The following ENPP4 variants were observed in gnomAD, a reference collection of about 807,000 sequenced individuals.
The protein encoded by ENPP4 is ectonucleotide pyrophosphatase/phosphodiesterase 4.
A neutral mutation model predicts 33.4 loss-of-function variants in ENPP4; 18 were observed. The ratio of observed to expected loss-of-function variants is 0.54; its 90% CI spans 0.37 to 0.80. The LOEUF (loss-of-function observed/expected upper bound fraction) is 0.80. ENPP4 is among the 30% of genes least tolerant of loss of function. The probability of loss-of-function intolerance (pLI) is 0.00; values close to 1 mark genes in which losing one functional copy is unlikely to be tolerated. For missense variants in ENPP4, 480 were observed against 541.7 expected (o/e 0.89, Z 1.13); for synonymous variants, 172 against 189.9 (o/e 0.91, Z 0.78).
In ENPP4 at chr6:46,140,425, A is replaced by G; in HGVS notation, c.826+16A>G. On this transcript the variant is annotated intron_variant, in intron 2 of 3. Coordinates refer to ENST00000321037, the MANE Select transcript of ENPP4 (RefSeq NM_014936.5). The stretch of plus-strand genomic sequence containing the variant: ...CCCAAAATAAGTAAGTAAACATTCA[A>G]CTGAGGGATACTATTATTCGAATGG... The G allele has an allele frequency of 1.4e-6, 2 of 1,405,074 alleles. No homozygotes were observed. The highest frequency in any genetic ancestry group is 9.7e-7 in the Non-Finnish European group (1 of 1,028,840). 87.0% of individuals were successfully genotyped at this position (1,405,074 alleles called of 1,614,324 possible). A position where few individuals can be genotyped will look rare whatever the true frequency, so the allele number is the denominator to read the frequency against.
intron 3 of ENPP4, among the ~76,000 whole-genome samples, chr6:46,142,625 T>A (rs1207469534): frequency 6.6e-6 from 1 of 151,102 alleles, no homozygotes. Context: ...CATCACCCAG[T>A]CACCCGTACT....
intron 3 of ENPP4, among the ~76,000 whole-genome samples, chr6:46,141,782 CTTA>C (rs962627161): frequency 6.6e-6 from 1 of 151,636 alleles, no homozygotes; most frequent in Non-Finnish European, 1.5e-5. Context: ...CAAACTGAAG[CTTA>C]TTTATCCATA....
chr6:46,142,786 A>G (rs541497939), intron 3 of ENPP4, among the ~76,000 whole-genome samples: 1 of 151,822 alleles, frequency 6.6e-6, no homozygotes, highest in South Asian at 2.1e-4. Context: ...ACTGGGATAG[A>G]GTCACCAGAT....
Position 46,146,650 on chromosome 6 carries a change from A to G in ENPP4, c.*3010A>G, listed in dbSNP as rs1764143994. The G allele has an allele frequency of 1.3e-5, 2 of 152,010 alleles. No homozygotes were observed. Among genetic ancestry groups the G allele is most frequent in the Admixed American group, 6.6e-5 (1 of 15,216 alleles). 9.4% of individuals were successfully genotyped at this position (152,010 alleles called of 1,614,324 possible). A position where few individuals can be genotyped will look rare whatever the true frequency, so the allele number is the denominator to read the frequency against. On this transcript the variant is annotated 3_prime_UTR_variant, in exon 4 of 4. Transcript: ENST00000321037. ...GATTTTTAAAATGTGTGTGAATAAA[A>G]TCTACCAAAAAATTCTTACTGTAAT...
intron 1 of ENPP4, among the ~76,000 whole-genome samples, chr6:46,131,056 G>A (rs1030948042): frequency 2.0e-5 from 3 of 152,138 alleles, no homozygotes; most frequent in African/African-American, 7.2e-5. Flanking sequence ...TAAGAGGCCT[G>A]CTGCACTTGT....
chr6:46,132,249 T>TA (rs1763911803), intron 1 of ENPP4, among the ~76,000 whole-genome samples: 1 of 152,150 alleles, frequency 6.6e-6, no homozygotes, highest in African/African-American at 2.4e-5. Context: ...TCCTGAATGG[T>TA]AATGCCTAGG....
rs755919066 is a variant in ENPP4 at position 46,140,087 on chromosome 6, T to C, written c.504T>C (p.Thr168=). 1.6e-5 allele frequency: 26 copies of C among 1,612,542 alleles called. No individual in the cohort carries two copies. Among genetic ancestry groups the C allele is most frequent in the Non-Finnish European group, 2.0e-5 (23 of 1,179,086 alleles). Residue 168 remains threonine (T), a synonymous_variant, in exon 2 of 4, where the codon ACT becomes ACC. Coordinates refer to ENST00000321037, the MANE Select transcript of ENPP4 (RefSeq NM_014936.5). ...TTGAGGAAAGACTAAATAATATTACTATGTGGCTAAACAATTCGAACCCAC... is the reference window on the plus strand; with the variant it reads ...TTGAGGAAAGACTAAATAATATTACCATGTGGCTAAACAATTCGAACCCAC... The part of the protein sequence containing the change: ...VSFEERLNNI[T]MWLNNSNPPV...
chr6:46,132,989 C>T (rs1002994590), intron 1 of ENPP4, among the ~76,000 whole-genome samples: 10 of 151,992 alleles, frequency 6.6e-5, no homozygotes, highest in Non-Finnish European at 1.2e-4. Context: ...GTGATTTTTG[C>T]ACATTGATTT....
Position 46,140,036 on chromosome 6 carries a change from T to A in ENPP4, c.453T>A (p.Phe151Leu), listed in dbSNP as rs1318463211. 1.9e-6 allele frequency: 3 copies of A among 1,612,780 alleles called. No homozygotes were observed. Among genetic ancestry groups the A allele is most frequent in the Non-Finnish European group, 2.5e-6 (3 of 1,179,088 alleles). The change falls in exon 2 of 4, where the codon TTT becomes TTA. Residue 151 changes from phenylalanine (F) to leucine (L), a missense_variant. By Grantham distance (22) the Phe-to-Leu change is conservative. This residue lies in a region of ENPP4 where 227 missense variants were observed against 273.7 expected (regional missense o/e 0.83). Transcript: ENST00000321037. ...VPIHDTISSYFMNYNSSVSFE... is the reference protein window; with the variant it reads ...VPIHDTISSYLMNYNSSVSFE... The stretch of plus-strand genomic sequence containing the variant: ...TTCACGATACCATCTCTTCCTATTT[T>A]ATGAATTACAACTCCTCAGTGTCAT...
chr6:46,130,438 A>G (rs186967372), intron 1 of ENPP4, among the ~76,000 whole-genome samples: 1 of 152,306 alleles, frequency 6.6e-6, no homozygotes, highest in East Asian at 1.9e-4. Context: ...GGGGAAGGCA[A>G]CCTGTGGTGT....
intron 1 of ENPP4, among the ~76,000 whole-genome samples, chr6:46,138,337 G>A (rs1487609701): frequency 2.0e-5 from 3 of 151,876 alleles, no homozygotes; most frequent in Middle Eastern, 3.4e-3. Flanking sequence ...TCAAATCCAG[G>A]TAGGATCAGC....
chr6:46,131,723 G>A (rs1668304654), intron 1 of ENPP4, among the ~76,000 whole-genome samples: 1 of 150,960 alleles, frequency 6.6e-6, no homozygotes, highest in Non-Finnish European at 1.5e-5. Context: ...GATCCCTGAG[G>A]AATCGCCACA....
intron 3 of ENPP4, 133 bp downstream of exon 3, chr6:46,141,355 T>C (rs183436380): frequency 1.7e-6 from 1 of 585,892 alleles, no homozygotes; most frequent in African/African-American, 2.0e-5. Context: ...AACCAGATAA[T>C]TCCCAGGTCT....
chr6:46,143,247 T>C (rs949591116), intron 3 of ENPP4, 29 bp from the exon 4 acceptor site: 27 of 1,529,102 alleles, frequency 1.8e-5, no homozygotes, highest in African/African-American at 2.8e-5. Flanking sequence ...TCTGATCTTA[T>C]TGACTGATGT....
At position 46,144,078 on chromosome 6, in the gene ENPP4, A is replaced by G. The variant is rs1764108771; in HGVS notation, c.*438A>G. The G allele has an allele frequency of 6.5e-6, 1 of 154,796 alleles. No homozygotes were observed. Among genetic ancestry groups the G allele is most frequent in the Non-Finnish European group, 1.4e-5 (1 of 69,642 alleles). The allele number at this position is 154,796 out of a possible 1,614,324, so 9.6% of individuals were successfully genotyped here. A position where few individuals can be genotyped will look rare whatever the true frequency, so the allele number is the denominator to read the frequency against. On this transcript the variant is annotated 3_prime_UTR_variant, in exon 4 of 4. Coordinates refer to ENST00000321037, the MANE Select transcript of ENPP4 (RefSeq NM_014936.5). ...TCTTTATGCAATTTGTGAATTTTGT[A>G]TATTAGGGAGGAAAAGCTTCCTATA...
At chr6:46,136,812 A>G (rs932187307) in intron 1 of ENPP4, among the ~76,000 whole-genome samples, 1 of 151,946 alleles carries the variant, frequency 6.6e-6, no homozygotes, top group African/African-American at 2.4e-5. Flanking sequence ...AGAGGTATTG[A>G]GGACTAAAAA....
At chr6:46,135,624 T>C (rs1282954012) in intron 1 of ENPP4, among the ~76,000 whole-genome samples, 1 of 152,060 alleles carries the variant, frequency 6.6e-6, no homozygotes, top group Non-Finnish European at 1.5e-5. Flanking sequence ...TCTTTTCACT[T>C]TCTTGATGGT....
intron 1 of ENPP4, among the ~76,000 whole-genome samples, chr6:46,133,699 T>C (rs1763936326): frequency 6.6e-6 from 1 of 152,182 alleles, no homozygotes; most frequent in South Asian, 2.1e-4. Flanking sequence ...ATTACAGAAT[T>C]TCTCTCAATG....
rs1357194419 is a variant in ENPP4 at position 46,145,279 on chromosome 6, T to C, written c.*1639T>C. On this transcript the variant is annotated 3_prime_UTR_variant, in exon 4 of 4. Coordinates refer to ENST00000321037, the MANE Select transcript of ENPP4 (RefSeq NM_014936.5). ...TCTTGAGCCTGGTATTTGCTGCCTATTGTATTTGTGGTTGTTGAGAGGCAT... is the reference window on the plus strand; with the variant it reads ...TCTTGAGCCTGGTATTTGCTGCCTACTGTATTTGTGGTTGTTGAGAGGCAT... 4.4e-6 allele frequency: 1 copy of C among 226,014 alleles called. No homozygotes were observed. Among genetic ancestry groups the C allele is most frequent in the Non-Finnish European group, 8.6e-6 (1 of 116,848 alleles). 14.0% of individuals were successfully genotyped at this position (226,014 alleles called of 1,614,324 possible).
Sources: allele counts gnomAD v4.1 joint callset (sites outside exome capture counted in the v4.1 genomes callset), GRCh38; gene constraint gnomAD v4.1.1; regional missense constraint gnomAD v4.1.1; transcripts MANE v1.5; gene names NCBI Gene and HGNC (gene_info 2026-07-23, HGNC 2026-07-21).